PAPOLG: variants seen among roughly 807,000 people sequenced by gnomAD.
The protein encoded by PAPOLG is PAP-gamma.
In PAPOLG, 40 loss-of-function variants were observed where a neutral mutation model predicts 99.0. The observed-to-expected ratio is 0.40, with a 90% confidence interval of 0.31 to 0.53. The LOEUF (loss-of-function observed/expected upper bound fraction) is 0.53. Ranked by LOEUF, PAPOLG falls within the 20% of genes least tolerant of loss-of-function variation. The probability of loss-of-function intolerance (pLI) is 0.41; values close to 1 mark genes in which losing one functional copy is unlikely to be tolerated. For missense variants in PAPOLG, 675 were observed against 884.1 expected, an observed-to-expected ratio of 0.76 and a Z score of 3.00; for synonymous variants, 310 against 299.3, an observed-to-expected ratio of 1.04 and a Z score of -0.37.
chr2:60,769,838 G>C (rs1348746070), intron 5 of PAPOLG, among the ~76,000 whole-genome samples: 3 of 152,010 alleles, frequency 2.0e-5, no homozygotes, highest in South Asian at 2.1e-4. Context: ...GTGCCATGGT[G>C]GTTTGCTGCA....
At position 60,800,071 on chromosome 2, in the gene PAPOLG, A is replaced by T. The variant is rs772652535; in HGVS notation, c.*2911A>T. On this transcript the variant is annotated 3_prime_UTR_variant, in exon 22 of 22. Transcript: ENST00000238714. ...TTTTCAGTAGCTCTGGAGAATATGT[A>T]TGAAAGGAAAACAATTACCTGCTAG... The T allele has an allele frequency of 6.6e-6, 1 of 152,400 alleles. No individual in the cohort carries two copies. The allele number at this position is 152,400 out of a possible 1,614,324, so 9.4% of individuals were successfully genotyped here.
intron 15 of PAPOLG, among the ~76,000 whole-genome samples, chr2:60,790,310 A>T (rs980907358): frequency 2.0e-5 from 3 of 152,194 alleles, no homozygotes; most frequent in African/African-American, 7.2e-5. Context: ...TTTATTATAA[A>T]TTTATAAGAT....
At position 60,793,999 on chromosome 2, in the gene PAPOLG, AC is replaced by A; in HGVS notation, c.1803del (p.Thr602LeufsTer8). ...TTGACTCTACAGTAAAAACTGTATC[AC>A]CCCCCACTGTGTGTACCATTCCTAC... ...KVDSTVKTVS[P>X]PTVCTIPTVV... On this transcript the variant is annotated frameshift_variant, in exon 19 of 22. Transcript: ENST00000238714. LOFTEE classifies it high-confidence loss of function. 6.2e-7 allele frequency: 1 copy of A among 1,611,568 alleles called. No homozygotes were observed. Among genetic ancestry groups the A allele is most frequent in the Non-Finnish European group, 8.5e-7 (1 of 1,177,832 alleles).
chr2:60,762,862 G>C (rs1670560918), intron 3 of PAPOLG, among the ~76,000 whole-genome samples: 1 of 151,720 alleles, frequency 6.6e-6, no homozygotes, highest in African/African-American at 2.4e-5. Context: ...CCTGATCTCA[G>C]GTGATCCGCC....
At chr2:60,766,211 T>C (rs1374008429) in intron 3 of PAPOLG, among the ~76,000 whole-genome samples, 3 of 152,314 alleles carry the variant, frequency 2.0e-5, no homozygotes, top group Non-Finnish European at 2.9e-5. Flanking sequence ...AATATGATTT[T>C]ACATGCCAAA....
At chr2:60,785,249 C>T (rs1671323149) in intron 13 of PAPOLG, among the ~76,000 whole-genome samples, 1 of 152,082 alleles carries the variant, frequency 6.6e-6, no homozygotes, top group Admixed American at 6.6e-5. Context: ...TGCCATTCTC[C>T]TGCCTCAGCC....
At position 60,793,735 on chromosome 2, in the gene PAPOLG, T is replaced by C. The variant is rs1326912322; in HGVS notation, c.1768+20T>C. On this transcript the variant is annotated intron_variant, in intron 18 of 21. Transcript: ENST00000238714. The stretch of plus-strand genomic sequence containing the variant: ...GCGCAAGTAGGTATCTAAACTTGTA[T>C]ATATTAATAATTATATTTACAAAAA... The C allele has an allele frequency of 6.3e-7, 1 of 1,595,526 alleles. No individual in the cohort carries two copies. Among genetic ancestry groups the C allele is most frequent in the Admixed American group, 1.7e-5 (1 of 58,966 alleles).
In PAPOLG at chr2:60,800,765, C is replaced by G. The variant is rs1009134855; in HGVS notation, c.*3605C>G. On this transcript the variant is annotated 3_prime_UTR_variant, in exon 22 of 22. Transcript: ENST00000238714. ...CTTGGGGAAAGTGCATAGTTTAGATCAGCTTCTCGAAGTGGCAAAAGTATG... is the reference window on the plus strand; with the variant it reads ...CTTGGGGAAAGTGCATAGTTTAGATGAGCTTCTCGAAGTGGCAAAAGTATG... The G allele has an allele frequency of 6.6e-6, 1 of 152,112 alleles. No individual in the cohort carries two copies. Among genetic ancestry groups the G allele is most frequent in the Non-Finnish European group, 1.5e-5 (1 of 68,008 alleles). 9.4% of individuals were successfully genotyped at this position (152,112 alleles called of 1,614,324 possible).
At chr2:60,787,136 A>G (rs1316062756) in intron 14 of PAPOLG, 70 bp downstream of exon 14, 10 of 1,328,258 alleles carry the variant, frequency 7.5e-6, no homozygotes, top group African/African-American at 3.0e-5. Flanking sequence ...ATTTCAGAGT[A>G]ATTGTGAGAT....
At position 60,794,745 on chromosome 2, in the gene PAPOLG, C is replaced by T. The variant is rs1671645739; in HGVS notation, c.2025C>T (p.Arg675=). The stretch of plus-strand genomic sequence containing the variant: ...TTGAATCAACATTTAAGGACCCCCG[C>T]ACTGCTGAAGAAAGAAAAAGAAAAT... ...IRLESTFKDP[R]TAEERKRKSV... The change falls in exon 20 of 22, where the codon CGC becomes CGT. Residue 675 remains arginine (R), a synonymous_variant. Transcript: ENST00000238714. 3 of 1,610,954 alleles carry T rather than the reference C, an allele frequency of 1.9e-6. No homozygotes were observed. Among genetic ancestry groups the T allele is most frequent in the African/African-American group, 2.7e-5 (2 of 74,828 alleles).
In PAPOLG at chr2:60,793,700, C is replaced by A; in HGVS notation, c.1753C>A (p.Pro585Thr). Residue 585 changes from proline (P) to threonine (T), a missense_variant, in exon 18 of 22, where the codon CCA (proline) becomes ACA (threonine). Physicochemically the swap from Pro to Thr is conservative, Grantham distance 38 (BLOSUM62 -1). This residue lies in a region of PAPOLG where 413 missense variants were observed against 460.5 expected (regional missense o/e 0.90). Transcript: ENST00000238714. ...SVPPAQGLSI[P>T]VIGAKVDSTV... Reference sequence around the variant, plus strand: ...ACCACCAGCCCAAGGACTTTCCATTCCAGTGATTGGCGCAAGTAGGTATCT... The same window carrying A: ...ACCACCAGCCCAAGGACTTTCCATTACAGTGATTGGCGCAAGTAGGTATCT... 1.1e-5 allele frequency: 18 copies of A among 1,613,144 alleles called. No individual in the cohort carries two copies. The highest frequency in any genetic ancestry group is 1.5e-5 in the Non-Finnish European group (18 of 1,179,406).
intron 15 of PAPOLG, among the ~76,000 whole-genome samples, chr2:60,790,302 T>G (rs1024678458): frequency 1.4e-4 from 21 of 152,190 alleles, no homozygotes; most frequent in Admixed American, 1.2e-3. Context: ...GGACATAGTT[T>G]ATTATAAATT....
chr2:60,765,027 G>C, intron 3 of PAPOLG, among the ~76,000 whole-genome samples: 1 of 152,108 alleles, frequency 6.6e-6, no homozygotes, highest in Admixed American at 6.6e-5. Flanking sequence ...CCATTGAGCA[G>C]ATGAGGTCAT....
Position 60,794,754 on chromosome 2 carries a change from A to C in PAPOLG, c.2034A>C (p.Glu678Asp), listed in dbSNP as rs1183981938. Reference sequence around the variant, plus strand: ...CATTTAAGGACCCCCGCACTGCTGAAGAAAGAAAAAGAAAATCAGTGGTAA... The same window carrying C: ...CATTTAAGGACCCCCGCACTGCTGACGAAAGAAAAAGAAAATCAGTGGTAA... ...ESTFKDPRTA[E>D]ERKRKSVDAI... Residue 678 changes from glutamate (E) to aspartate (D), a missense_variant, in exon 20 of 22, where the codon GAA becomes GAC. Glu to Asp is a conservative substitution (Grantham distance 45, BLOSUM62 2). Around this residue, in one of 3 missense-constraint regions of PAPOLG, gnomAD observed 413 missense variants for 460.5 expected, o/e 0.90. Coordinates refer to ENST00000238714, the MANE Select transcript of PAPOLG (RefSeq NM_022894.4). 1 of 1,608,290 alleles carries C rather than the reference A, an allele frequency of 6.2e-7. No individual in the cohort carries two copies. Among genetic ancestry groups the C allele is most frequent in the Admixed American group, 1.7e-5 (1 of 59,980 alleles).
chr2:60,774,631 G>GTATAAAA (rs1670963818), intron 7 of PAPOLG, among the ~76,000 whole-genome samples: 1 of 152,146 alleles, frequency 6.6e-6, no homozygotes, highest in East Asian at 1.9e-4. Context: ...CTACCAAAGG[G>GTATAAAA]CTGGGATTGA....
Position 60,792,257 on chromosome 2 carries a change from G to C in PAPOLG, c.1647G>C (p.Lys549Asn), listed in dbSNP as rs770130921. 6.2e-6 allele frequency: 10 copies of C among 1,608,748 alleles called. No homozygotes were observed. In the South Asian group the frequency reaches 1.0e-4, roughly 16 times the overall value. Residue 549 changes from lysine (K) to asparagine (N), a missense_variant, in exon 17 of 22, where the codon AAG (lysine) becomes AAC (asparagine). This residue lies in a region of PAPOLG where 413 missense variants were observed against 460.5 expected (regional missense o/e 0.90). Coordinates refer to ENST00000238714, the MANE Select transcript of PAPOLG (RefSeq NM_022894.4). Reference sequence around the variant, plus strand: ...CACCTTTTAATTCTCCAGCGTCCAAGTCTGATAGCCCTTCTGTAGGAGAAA... The same window carrying C: ...CACCTTTTAATTCTCCAGCGTCCAACTCTGATAGCCCTTCTGTAGGAGAAA... ...NGTPFNSPAS[K>N]SDSPSVGETE...
chr2:60,763,565 G>T (rs779245520), intron 3 of PAPOLG, among the ~76,000 whole-genome samples: 1 of 152,082 alleles, frequency 6.6e-6, no homozygotes, highest in Non-Finnish European at 1.5e-5. Context: ...GTGCAGTGGC[G>T]AGATCTCAGC....
At chr2:60,784,160 A>G (rs1422069702) in intron 13 of PAPOLG, among the ~76,000 whole-genome samples, 2 of 152,064 alleles carry the variant, frequency 1.3e-5, no homozygotes, top group African/African-American at 4.8e-5. Flanking sequence ...TTTAGTAGAG[A>G]CGGGGTTTCA....
intron 3 of PAPOLG, among the ~76,000 whole-genome samples, chr2:60,768,176 G>A (rs907160555): frequency 3.9e-5 from 6 of 151,960 alleles, no homozygotes; most frequent in African/African-American, 9.7e-5. Context: ...AATCTCGGCC[G>A]CTGCAACCTC....
Sources: allele counts gnomAD v4.1 joint callset (sites outside exome capture counted in the v4.1 genomes callset), GRCh38; gene constraint gnomAD v4.1.1; regional missense constraint gnomAD v4.1.1; transcripts MANE v1.5; gene names NCBI Gene and HGNC (gene_info 2026-07-23, HGNC 2026-07-21).